COA1: variants seen among roughly 807,000 people sequenced by gnomAD.
COA1 encodes the protein cytochrome c oxidase assembly factor 1, also known as cytochrome c oxidase assembly factor 1 homolog.
A neutral mutation model predicts 16.0 loss-of-function variants in COA1; 13 were observed. The ratio of observed to expected loss-of-function variants is 0.81; its 90% CI spans 0.53 to 1.29. The LOEUF (loss-of-function observed/expected upper bound fraction) is 1.29. Among genes scored for constraint, COA1 ranks in the 50% most tolerant of loss-of-function variants. The pLI is 0.00. For synonymous variants in COA1, 65 were observed against 65.7 expected (o/e 0.99, Z 0.05); for missense variants, 179 against 177.0 (o/e 1.01, Z -0.06).
chr7:43,645,611 C>G (rs2089053307), intron 3 of COA1: 1 of 513,768 alleles, frequency 1.9e-6, no homozygotes, highest in Non-Finnish European at 3.5e-6. Flanking sequence ...CAGGGATGTG[C>G]AGATGACCTT....
chr7:43,614,705 CCTCT>C (rs766961781), intron 6 of COA1, among the ~76,000 whole-genome samples: 11 of 152,130 alleles, frequency 7.2e-5, no homozygotes, highest in Non-Finnish European at 1.3e-4. Flanking sequence ...ATTCTAGCAA[CCTCT>C]CTCTCAGTTG....
chr7:43,722,523 G>A (rs1024829247), intron 1 of COA1, among the ~76,000 whole-genome samples: 1 of 152,118 alleles, frequency 6.6e-6, no homozygotes, highest in Non-Finnish European at 1.5e-5. Context: ...CCTCGTACCA[G>A]CTGCGAGTAG....
chr7:43,655,948 C>T (rs968648214), intron 1 of COA1: 1 of 152,234 alleles, frequency 6.6e-6, no homozygotes, highest in Non-Finnish European at 1.5e-5. Flanking sequence ...TAAGAAGCCA[C>T]TTTGTGAGGA....
chr7:43,624,518 A>C (rs1255750275), intron 6 of COA1: 1 of 1,607,256 alleles, frequency 6.2e-7, no homozygotes, highest in Non-Finnish European at 8.5e-7. Context: ...ATCTTTACAG[A>C]GATCGAGCCA....
At chr7:43,692,154 A>G (rs1448911425) in intron 1 of COA1, among the ~76,000 whole-genome samples, 3 of 152,228 alleles carry the variant, frequency 2.0e-5, no homozygotes, top group Non-Finnish European at 4.4e-5. Context: ...TGGGCCTGCT[A>G]GCCTCTGTCC....
intron 1 of COA1, among the ~76,000 whole-genome samples, chr7:43,663,559 G>A (rs1415068278): frequency 6.6e-6 from 1 of 150,528 alleles, no homozygotes; most frequent in East Asian, 1.9e-4. Context: ...AGCTACTGAG[G>A]AGGCTGAGGC....
At chr7:43,681,356 T>C (rs1246876672) in intron 1 of COA1, among the ~76,000 whole-genome samples, 1 of 152,230 alleles carries the variant, frequency 6.6e-6, no homozygotes, top group Non-Finnish European at 1.5e-5. Flanking sequence ...TTTGTTTTGG[T>C]TTCCTAGAGG....
chr7:43,660,108 C>T (rs1019952329), intron 1 of COA1, among the ~76,000 whole-genome samples: 2 of 152,204 alleles, frequency 1.3e-5, no homozygotes, highest in African/African-American at 4.8e-5. Context: ...GTCATTTAAA[C>T]CACCCAGTCT....
intron 1 of COA1, among the ~76,000 whole-genome samples, chr7:43,716,129 T>G (rs1343160927): frequency 1.3e-5 from 2 of 152,098 alleles, no homozygotes; most frequent in Non-Finnish European, 2.9e-5. Context: ...GAAAACGGAC[T>G]AATAAAGTAA....
chr7:43,645,527 A>G, intron 3 of COA1, 128 bp from the exon 4 acceptor site: 1 of 794,640 alleles, frequency 1.3e-6, no homozygotes, highest in Non-Finnish European at 2.0e-6. Context: ...GGATGGACGA[A>G]TAATTAAGGC....
At chr7:43,635,028 A>T (rs2085627481), downstream of COA1, among the ~76,000 whole-genome samples, 1 of 152,172 alleles carries the variant, frequency 6.6e-6, no homozygotes, top group Non-Finnish European at 1.5e-5. Flanking sequence ...AGGAATAGCG[A>T]GAAGTGTGTC....
intron 1 of COA1, among the ~76,000 whole-genome samples, chr7:43,715,884 G>A (rs995210345): frequency 6.6e-6 from 1 of 152,124 alleles, no homozygotes; most frequent in Non-Finnish European, 1.5e-5. Context: ...AATCATGGGG[G>A]CAGTTTTCCG....
At chr7:43,674,604 A>T (rs1261022101) in intron 1 of COA1, among the ~76,000 whole-genome samples, 2 of 152,256 alleles carry the variant, frequency 1.3e-5, no homozygotes, top group Non-Finnish European at 2.9e-5. Flanking sequence ...GTGTTAGAAA[A>T]GAATTAACAT....
chr7:43,679,185 T>A (rs1436518846), intron 1 of COA1, among the ~76,000 whole-genome samples: 2 of 146,600 alleles, frequency 1.4e-5, no homozygotes, highest in Non-Finnish European at 3.0e-5. Flanking sequence ...GAGAATCACT[T>A]GAACTCGGGA....
At chr7:43,709,640 G>A (rs1279465583) in intron 1 of COA1, among the ~76,000 whole-genome samples, 1 of 152,046 alleles carries the variant, frequency 6.6e-6, no homozygotes, top group Non-Finnish European at 1.5e-5. Context: ...AACCAAGACT[G>A]TTGTGTATCC....
chr7:43,649,033 G>T, intron 1 of COA1: 1 of 173,014 alleles, frequency 5.8e-6, no homozygotes, highest in Non-Finnish European at 1.2e-5. Context: ...GTGACAGAGT[G>T]AAAACAGCAC....
rs1447454323 is a variant in COA1, at chr7:43,691,431, AAG to A, written c.-39+37996_-39+37997del. The stretch of plus-strand genomic sequence containing the variant: ...AGGAAGGAAGAAAGAAAAAGAAAGA[AAG>A]AAAGAAAGAAAGAAAGAAAGAAAGA... On this transcript the variant is annotated intron_variant, in intron 1 of 5. Transcript: ENST00000223336. Among the ~76,000 whole-genome samples the A allele has an allele frequency of 4.0e-3, 342 of 85,328 alleles. 1 individual carries two copies. The highest frequency in any genetic ancestry group is 0.012 in the African/African-American group (232 of 19,736). 56.0% of individuals were successfully genotyped at this position (85,328 alleles called of 152,430 possible).
chr7:43,637,465 T>TG (rs2086091836), downstream of COA1, among the ~76,000 whole-genome samples: 1 of 152,210 alleles, frequency 6.6e-6, no homozygotes, highest in African/African-American at 2.4e-5. Context: ...TGGGATGTAC[T>TG]GGGGGCCCTT....
intron 1 of COA1, among the ~76,000 whole-genome samples, chr7:43,654,162 C>A (rs901161635): frequency 5.3e-5 from 8 of 152,132 alleles, no homozygotes; most frequent in Admixed American, 3.3e-4. Flanking sequence ...CCACACCCAG[C>A]TCAAAGTTTC....
Sources: allele counts gnomAD v4.1 joint callset (sites outside exome capture counted in the v4.1 genomes callset), GRCh38; gene constraint gnomAD v4.1.1; transcripts MANE v1.5; gene names NCBI Gene and HGNC (gene_info 2026-07-23, HGNC 2026-07-21).